The following CRB1 variants were observed in gnomAD, a reference collection of about 807,000 sequenced individuals.
CRB1 encodes crumbs cell polarity complex component 1.
Under a neutral mutation model 120.0 loss-of-function variants are expected in CRB1, and 83 were observed. The observed-to-expected ratio is 0.69, with a 90% confidence interval of 0.58 to 0.83. The LOEUF (loss-of-function observed/expected upper bound fraction) is 0.83, where lower values mean the gene tolerates loss of function less well. CRB1 is among the 40% of genes least tolerant of loss of function. The probability of loss-of-function intolerance (pLI) is 0.00; values close to 1 mark genes in which losing one functional copy is unlikely to be tolerated. For synonymous variants in CRB1, 625 were observed against 612.5 expected (o/e 1.02, Z -0.30); for missense variants, 1,699 against 1,687.6 (o/e 1.01, Z -0.12).
chr1:197,430,497 T>G (rs1428354841), intron 8 of CRB1, among the ~76,000 whole-genome samples: 1 of 152,156 alleles, frequency 6.6e-6, no homozygotes, highest in African/African-American at 2.4e-5. Flanking sequence ...TAAAAAACCC[T>G]TTAATGTGTT....
At chr1:197,342,897 T>G (rs79119836) in intron 2 of CRB1, among the ~76,000 whole-genome samples, 99 of 152,316 alleles carry the variant, frequency 6.5e-4, no homozygotes, top group African/African-American at 2.4e-3. Flanking sequence ...CTTTCCACTC[T>G]TCCATGACCT....
chr1:197,414,912 A>G (rs755229627), intron 5 of CRB1, among the ~76,000 whole-genome samples: 1 of 152,164 alleles, frequency 6.6e-6, no homozygotes, highest in Non-Finnish European at 1.5e-5. Context: ...AAAAGCATAA[A>G]TCGCTGTTTA....
intron 5 of CRB1, among the ~76,000 whole-genome samples, chr1:197,394,523 G>A (rs1662675770): frequency 6.6e-6 from 1 of 151,734 alleles, no homozygotes; most frequent in African/African-American, 2.4e-5. Context: ...ACATACCATA[G>A]ATATTGTAAA....
At chr1:197,477,292 G>C (rs917799857) in intron 11 of CRB1, among the ~76,000 whole-genome samples, 2 of 152,158 alleles carry the variant, frequency 1.3e-5, no homozygotes, top group African/African-American at 2.4e-5. Context: ...CTTTTGGCAA[G>C]GGAGGAAAGA....
the CRB1 span, among the ~76,000 whole-genome samples, chr1:197,238,479 T>C: frequency 6.6e-6 from 1 of 152,288 alleles, no homozygotes; most frequent in Non-Finnish European, 1.5e-5. Context: ...GAAAGTACGA[T>C]CTTTTTTTCT....
At chr1:197,305,630 G>T (rs1437695950) in intron 1 of CRB1, among the ~76,000 whole-genome samples, 1 of 151,590 alleles carries the variant, frequency 6.6e-6, no homozygotes, top group Non-Finnish European at 1.5e-5. Flanking sequence ...CATTCATCTT[G>T]GGTTAACCAT....
chr1:197,356,478 C>T (rs1258220531), intron 4 of CRB1, among the ~76,000 whole-genome samples: 2 of 152,118 alleles, frequency 1.3e-5, no homozygotes, highest in African/African-American at 2.4e-5. Context: ...GACTTTTCAG[C>T]TATTGAAATA....
At chr1:197,437,816 G>C (rs768954687) in intron 9 of CRB1, among the ~76,000 whole-genome samples, 13 of 152,172 alleles carry the variant, frequency 8.5e-5, no homozygotes, top group South Asian at 2.1e-4. Context: ...CATACACAGT[G>C]GGTCAAAGGG....
the CRB1 span, among the ~76,000 whole-genome samples, chr1:197,229,788 T>G: frequency 6.6e-6 from 1 of 152,254 alleles, no homozygotes; most frequent in East Asian, 1.9e-4. Flanking sequence ...GCCTCTCATT[T>G]CAAAGAAAAA....
chr1:197,293,525 C>G (rs1181876039), intron 1 of CRB1, among the ~76,000 whole-genome samples: 1 of 152,114 alleles, frequency 6.6e-6, no homozygotes, highest in South Asian at 2.1e-4. Context: ...CCCCATCAAG[C>G]TACCAATGAC....
At chr1:197,433,642 G>A (rs1376675774) in intron 8 of CRB1, among the ~76,000 whole-genome samples, 1 of 152,048 alleles carries the variant, frequency 6.6e-6, no homozygotes, top group Admixed American at 6.6e-5. Flanking sequence ...ATACTGTTTC[G>A]TGTGTATTTT....
chr1:197,413,131 C>T (rs1337979595), intron 5 of CRB1, among the ~76,000 whole-genome samples: 6 of 152,210 alleles, frequency 3.9e-5, no homozygotes, highest in Non-Finnish European at 7.3e-5. Context: ...TCAGCTTATA[C>T]TGCCTATGTG....
intron 7 of CRB1, chr1:197,429,026 A>G (rs1487350631): frequency 1.2e-5 from 18 of 1,505,732 alleles, no homozygotes; most frequent in Non-Finnish European, 1.6e-5. Flanking sequence ...AGAGGACCTA[A>G]GTACCAAGTT....
intron 11 of CRB1, among the ~76,000 whole-genome samples, chr1:197,451,886 A>G (rs1183119181): frequency 6.6e-6 from 1 of 152,232 alleles, no homozygotes; most frequent in Non-Finnish European, 1.5e-5. Context: ...CCACCACTAC[A>G]TATGCCACTG....
At chr1:197,286,414 A>G (rs1161651377) in intron 1 of CRB1, among the ~76,000 whole-genome samples, 1 of 151,940 alleles carries the variant, frequency 6.6e-6, no homozygotes, top group African/African-American at 2.4e-5. Flanking sequence ...AGTAAGTGAC[A>G]GAGCTAGAAC....
intron 5 of CRB1, among the ~76,000 whole-genome samples, chr1:197,390,771 C>T (rs1375607066): frequency 6.6e-6 from 1 of 151,716 alleles, no homozygotes; most frequent in Non-Finnish European, 1.5e-5. Flanking sequence ...CTTCCTCATC[C>T]CATGAAAAAG....
chr1:197,438,321 A>G (rs1019906398), intron 9 of CRB1, among the ~76,000 whole-genome samples: 2 of 152,198 alleles, frequency 1.3e-5, no homozygotes, highest in East Asian at 3.8e-4. Flanking sequence ...AAAACTGTGT[A>G]GAAATGGAAG....
chr1:197,203,218 C>G, the CRB1 span, among the ~76,000 whole-genome samples: 1 of 152,002 alleles, frequency 6.6e-6, no homozygotes, highest in Non-Finnish European at 1.5e-5. Flanking sequence ...TAAATAGAAG[C>G]TACTGAAAAA....
intron 11 of CRB1, among the ~76,000 whole-genome samples, chr1:197,468,908 G>A (rs1666862676): frequency 1.3e-5 from 2 of 152,166 alleles, no homozygotes; most frequent in Admixed American, 1.3e-4. Flanking sequence ...CATGTTTCAG[G>A]ATAGAGAAGT....
Sources: gnomAD v4.1 joint callset for allele counts (sites outside exome capture counted in the v4.1 genomes callset) on GRCh38, gnomAD v4.1.1 for gene constraint, MANE v1.5 for transcripts, NCBI Gene and HGNC (gene_info 2026-07-23, HGNC 2026-07-21) for gene names.